Variants in PCSK5 observed in about 807,000 individuals in gnomAD.
PCSK5 encodes the protein proprotein convertase subtilisin/kexin type 5, also known as prohormone convertase 5.
Under a neutral mutation model 233.2 loss-of-function variants are expected in PCSK5, and 129 were observed. The ratio of observed to expected loss-of-function variants is 0.55; its 90% CI spans 0.48 to 0.64. The LOEUF (loss-of-function observed/expected upper bound fraction) is 0.64, where lower values mean the gene tolerates loss of function less well. Ranked by LOEUF, PCSK5 falls within the 30% of genes least tolerant of loss-of-function variation. The pLI is 0.00. For missense variants in PCSK5, 2,076 were observed against 2,430.1 expected (o/e 0.85, Z 3.06); for synonymous variants, 825 against 879.2 (o/e 0.94, Z 1.09).
At chr9:76,288,629 T>C (rs1378737600) in intron 24 of PCSK5, among the ~76,000 whole-genome samples, 2 of 152,174 alleles carry the variant, frequency 1.3e-5, no homozygotes, top group Admixed American at 1.3e-4. Flanking sequence ...CACCCTGTAA[T>C]TGTGACATTT....
chr9:75,926,162 G>A (rs557926628), intron 1 of PCSK5, among the ~76,000 whole-genome samples: 6 of 150,362 alleles, frequency 4.0e-5, no homozygotes, highest in African/African-American at 1.0e-4. Flanking sequence ...TTTCCCAATC[G>A]CTAAGTCACT....
chr9:76,040,711 C>T (rs1829081904), intron 5 of PCSK5, among the ~76,000 whole-genome samples: 1 of 152,040 alleles, frequency 6.6e-6, no homozygotes, highest in African/African-American at 2.4e-5. Context: ...GAGCAGGACC[C>T]TAGATGCTTT....
chr9:75,996,926 T>C (rs1447494665), intron 3 of PCSK5, among the ~76,000 whole-genome samples: 1 of 151,932 alleles, frequency 6.6e-6, no homozygotes, highest in Non-Finnish European at 1.5e-5. Flanking sequence ...TAATCTGTGG[T>C]TGTCTTCCTG....
chr9:76,293,672 C>T (rs1828346542), intron 25 of PCSK5, among the ~76,000 whole-genome samples: 1 of 152,138 alleles, frequency 6.6e-6, no homozygotes, highest in Non-Finnish European at 1.5e-5. Context: ...CTCTGTTAAA[C>T]TTTGTCAAAC....
At chr9:76,193,021 C>T (rs139672923) in intron 20 of PCSK5, among the ~76,000 whole-genome samples, 2 of 149,794 alleles carry the variant, frequency 1.3e-5, no homozygotes, top group East Asian at 2.0e-4. Flanking sequence ...ATTACATTTA[C>T]CATTGGACTG....
intron 5 of PCSK5, among the ~76,000 whole-genome samples, chr9:76,036,040 C>T (rs1055529078): frequency 4.6e-5 from 7 of 151,708 alleles, no homozygotes; most frequent in South Asian, 2.1e-4. Context: ...ATAAATAAAA[C>T]CTCAAGCTTA....
intron 1 of PCSK5, among the ~76,000 whole-genome samples, chr9:75,915,434 G>A (rs1162127232): frequency 6.6e-6 from 1 of 152,186 alleles, no homozygotes; most frequent in Non-Finnish European, 1.5e-5. Flanking sequence ...TTTGAAATAG[G>A]AGAAAGTGCT....
intron 5 of PCSK5, among the ~76,000 whole-genome samples, chr9:76,040,367 CT>C (rs1829053387): frequency 1.5e-5 from 1 of 66,356 alleles, no homozygotes; most frequent in Non-Finnish European, 2.8e-5. Context: ...CTCTCTCTCT[CT>C]CTCTCTCTCT....
chr9:76,352,322 G>C, intron 36 of PCSK5, among the ~76,000 whole-genome samples: 1 of 152,156 alleles, frequency 6.6e-6, no homozygotes, highest in East Asian at 1.9e-4. Flanking sequence ...TCTTGGTTTA[G>C]GTGGGTTTTG....
intron 4 of PCSK5, among the ~76,000 whole-genome samples, chr9:76,025,659 A>G (rs1343811253): frequency 1.3e-5 from 2 of 152,188 alleles, no homozygotes; most frequent in Non-Finnish European, 2.9e-5. Flanking sequence ...AAATTGTTGT[A>G]GTGACCCCAT....
At chr9:76,240,582 A>G in intron 23 of PCSK5, 34 bp from the exon 24 acceptor site, 2 of 1,402,198 alleles carry the variant, frequency 1.4e-6, no homozygotes, top group African/African-American at 1.4e-5. Context: ...CTCAATGGAA[A>G]TGAGTTGTGT....
intron 24 of PCSK5, among the ~76,000 whole-genome samples, chr9:76,268,291 G>T (rs547324527): frequency 2.0e-5 from 3 of 152,028 alleles, no homozygotes; most frequent in African/African-American, 7.2e-5. Context: ...CCACACATAC[G>T]CACATACACG....
intron 9 of PCSK5, among the ~76,000 whole-genome samples, chr9:76,127,471 C>T (rs753168572): frequency 6.7e-5 from 10 of 149,884 alleles, no homozygotes; most frequent in Non-Finnish European, 1.2e-4. Context: ...TTTCACTCCC[C>T]AGCCAATTAA....
chr9:76,067,263 T>A (rs981529426), intron 5 of PCSK5, among the ~76,000 whole-genome samples: 7 of 152,230 alleles, frequency 4.6e-5, no homozygotes, highest in African/African-American at 9.6e-5. Flanking sequence ...ATAATTTTTT[T>A]AATTTTCTAG....
intron 5 of PCSK5, among the ~76,000 whole-genome samples, chr9:76,041,516 TTATGAC>T (rs1234248783): frequency 6.6e-6 from 1 of 152,178 alleles, no homozygotes; most frequent in East Asian, 1.9e-4. Flanking sequence ...TTCAAACCCC[TTATGAC>T]TATGTCCAAA....
At chr9:76,116,223 G>C (rs1832418358) in intron 9 of PCSK5, among the ~76,000 whole-genome samples, 1 of 152,018 alleles carries the variant, frequency 6.6e-6, no homozygotes, top group African/African-American at 2.4e-5. Flanking sequence ...AAAGCTCCAA[G>C]CAGCACATTC....
chr9:76,123,519 A>T (rs1283986875), intron 9 of PCSK5, among the ~76,000 whole-genome samples: 3 of 152,160 alleles, frequency 2.0e-5, no homozygotes, highest in Non-Finnish European at 2.9e-5. Context: ...CCTATCTTTA[A>T]TACCATAATT....
chr9:76,016,134 A>G lies in PCSK5; in HGVS notation c.412-7604A>G, dbSNP rs538293916. On this transcript the variant is annotated intron_variant, in intron 3 of 37. Transcript: ENST00000674117. ...TGACTGGGTTCCATGTTCCCACAGTATCCTGACAAACTGTGTTAATGATAC... is the reference window on the plus strand; with the variant it reads ...TGACTGGGTTCCATGTTCCCACAGTGTCCTGACAAACTGTGTTAATGATAC... Among the ~76,000 whole-genome samples, 39 of 152,346 alleles carry G rather than the reference A, an allele frequency of 2.6e-4. No individual in the cohort carries two copies. The South Asian group carries it at 7.2e-3, about 28-fold the overall frequency.
At chr9:76,159,284 G>A in intron 12 of PCSK5, 113 bp downstream of exon 12, 1 of 866,340 alleles carries the variant, frequency 1.2e-6, no homozygotes, top group East Asian at 2.7e-5. Flanking sequence ...AGCAGAGGGG[G>A]TGCTTAGATG....
Sources: gnomAD v4.1 joint callset for allele counts (sites outside exome capture counted in the v4.1 genomes callset) on GRCh38, gnomAD v4.1.1 for gene constraint, MANE v1.5 for transcripts, NCBI Gene and HGNC (gene_info 2026-07-23, HGNC 2026-07-21) for gene names.